The following CRISPLD1 variants were observed in gnomAD, a reference collection of about 807,000 sequenced individuals.
CRISPLD1 encodes cysteine-rich secretory protein LCCL domain-containing 1.
Under a neutral mutation model 77.5 loss-of-function variants are expected in CRISPLD1, and 60 were observed. The ratio of observed to expected loss-of-function variants is 0.77; its 90% CI spans 0.63 to 0.96. The LOEUF is 0.96. Among genes scored for constraint, CRISPLD1 ranks in the 40% least tolerant of loss-of-function variants. The pLI, the probability that CRISPLD1 is intolerant of heterozygous loss-of-function variation, is 0.00. For missense variants in CRISPLD1, 623 were observed against 615.8 expected (o/e 1.01, Z -0.12); for synonymous variants, 195 against 200.1 (o/e 0.97, Z 0.22).
intron 2 of CRISPLD1, among the ~76,000 whole-genome samples, chr8:75,003,530 T>C (rs1201312699): frequency 1.3e-5 from 2 of 152,178 alleles, no homozygotes; most frequent in African/African-American, 2.4e-5. Flanking sequence ...TTTCCTATCA[T>C]GCATTTTTAT....
chr8:74,984,757 G>T lies in CRISPLD1; in HGVS notation c.-226G>T, dbSNP rs938619648. 6.6e-6 allele frequency: 1 copy of T among 152,312 alleles called. No individual in the cohort carries two copies. 9.4% of individuals were successfully genotyped at this position (152,312 alleles called of 1,614,324 possible). A position where few individuals can be genotyped will look rare whatever the true frequency, so the allele number is the denominator to read the frequency against. On this transcript the variant is annotated 5_prime_UTR_variant, in exon 1 of 15. Transcript: ENST00000262207. ...GAGGGAGCCGCAGAGGCGGAGGCTC[G>T]CGTATTCCTGCAGTCAGCACCCACG...
chr8:75,010,330 T>C (rs1812906907), intron 2 of CRISPLD1, among the ~76,000 whole-genome samples: 2 of 152,116 alleles, frequency 1.3e-5, no homozygotes, highest in Non-Finnish European at 1.5e-5. Flanking sequence ...TGCCTCTTTG[T>C]CCCTAGGGTG....
intron 14 of CRISPLD1, among the ~76,000 whole-genome samples, chr8:75,031,279 A>G (rs1225972484): frequency 6.6e-6 from 1 of 152,084 alleles, no homozygotes; most frequent in Non-Finnish European, 1.5e-5. Flanking sequence ...TATAAAACAT[A>G]GTTCACTTTG....
intron 12 of CRISPLD1, among the ~76,000 whole-genome samples, chr8:75,023,072 G>GT (rs1239074412): frequency 1.9e-5 from 2 of 107,612 alleles, no homozygotes; most frequent in Non-Finnish European, 1.7e-5. Context: ...CAAATTGTAG[G>GT]TAAAAAAAAA....
chr8:75,028,176 G>A (rs780862373), intron 13 of CRISPLD1, among the ~76,000 whole-genome samples: 19 of 152,128 alleles, frequency 1.2e-4, no homozygotes, highest in Non-Finnish European at 1.8e-4. Context: ...GGGACTTTAA[G>A]TGTTGAAGAA....
chr8:75,004,181 C>A lies in CRISPLD1; in HGVS notation c.259-8252C>A, dbSNP rs552803438. 2.0e-5 allele frequency among the ~76,000 whole-genome samples: 3 copies of A among 152,262 alleles called. No individual in the cohort carries two copies. In the East Asian group the frequency reaches 5.8e-4, roughly 29 times the overall value. On this transcript the variant is annotated intron_variant, in intron 2 of 14. Coordinates refer to ENST00000262207, the MANE Select transcript of CRISPLD1 (RefSeq NM_031461.6). Reference sequence around the variant, plus strand: ...TTGCCTTAAGGTAATGCTTCTTTCTCAGTAGTTGGCAAAGTCACTGTGCCC... The same window carrying A: ...TTGCCTTAAGGTAATGCTTCTTTCTAAGTAGTTGGCAAAGTCACTGTGCCC...
chr8:75,020,721 A>G (rs1223762536), intron 12 of CRISPLD1, among the ~76,000 whole-genome samples: 1 of 152,246 alleles, frequency 6.6e-6, no homozygotes, highest in Non-Finnish European at 1.5e-5. Context: ...AATTTCTTAC[A>G]ACAGAAACTA....
rs1351064347 is a variant in CRISPLD1, at chr8:75,025,584, AT to A, written c.1285del (p.Tyr429MetfsTer4). 1 of 1,591,492 alleles carries A rather than the reference AT, an allele frequency of 6.3e-7. No homozygotes were observed. The highest frequency in any genetic ancestry group is 2.2e-5 in the East Asian group (1 of 44,452). ...CGTAACTGTATGCAAGCAAATCCACATTATGCTCGTGTAATTGGAACTCGAG... is the reference window on the plus strand; with the variant it reads ...CGTAACTGTATGCAAGCAAATCCACATATGCTCGTGTAATTGGAACTCGAG... The part of the protein sequence containing the change: ...CPRNCMQANP[H>X]YARVIGTRVY... On this transcript the variant is annotated frameshift_variant, in exon 13 of 15. Transcript: ENST00000262207. LOFTEE classifies it high-confidence loss of function.
intron 2 of CRISPLD1, among the ~76,000 whole-genome samples, chr8:75,002,380 G>T (rs1047734217): frequency 1.4e-5 from 2 of 147,414 alleles, no homozygotes; most frequent in African/African-American, 5.1e-5. Context: ...TATGTGTCAG[G>T]TAACAGGTTG....
chr8:74,993,266 A>G (rs1812600511), intron 2 of CRISPLD1, among the ~76,000 whole-genome samples: 1 of 152,190 alleles, frequency 6.6e-6, no homozygotes, highest in Non-Finnish European at 1.5e-5. Flanking sequence ...TCCTAAAATA[A>G]GAGTTTTCTC....
intron 2 of CRISPLD1, among the ~76,000 whole-genome samples, chr8:75,007,388 T>A (rs1172456936): frequency 6.6e-6 from 1 of 152,188 alleles, no homozygotes; most frequent in Non-Finnish European, 1.5e-5. Context: ...TTGAATGATT[T>A]CCAGCTGTCA....
Position 75,017,444 on chromosome 8 carries a change from C to CA in CRISPLD1, c.1123dup (p.Ile375AsnfsTer8). 6.3e-7 allele frequency: 1 copy of CA among 1,599,784 alleles called. No homozygotes were observed. The highest frequency in any genetic ancestry group is 8.5e-7 in the Non-Finnish European group (1 of 1,175,364). On this transcript the variant is annotated frameshift_variant, in exon 10 of 15. Coordinates refer to ENST00000262207, the MANE Select transcript of CRISPLD1 (RefSeq NM_031461.6). LOFTEE classifies it high-confidence loss of function. ...AAGTCCAATAGAAATGGTATTCAAACAATTGGGTAAGTACCAAAATAATCT... is the reference window on the plus strand; with the variant it reads ...AAGTCCAATAGAAATGGTATTCAAACAAATTGGGTAAGTACCAAAATAATCT...
intron 2 of CRISPLD1, among the ~76,000 whole-genome samples, chr8:75,008,681 CTAT>C (rs1224663989): frequency 1.3e-5 from 2 of 152,004 alleles, no homozygotes; most frequent in Non-Finnish European, 2.9e-5. Flanking sequence ...ATACTGTATG[CTAT>C]TATTTTAGCA....
At chr8:75,014,717 A>T in intron 5 of CRISPLD1, 95 bp from the exon 6 acceptor site, 3 of 773,786 alleles carry the variant, frequency 3.9e-6, no homozygotes, top group Non-Finnish European at 6.2e-6. Context: ...ACGCCAAAAT[A>T]ATTACTTAGA....
intron 6 of CRISPLD1, among the ~76,000 whole-genome samples, chr8:75,016,088 A>G (rs1252370853): frequency 1.8e-4 from 27 of 152,180 alleles, no homozygotes; most frequent in Non-Finnish European, 1.8e-4. Context: ...AAAAAACTCT[A>G]TGGACATGGA....
chr8:75,019,664 G>T (rs757550983), intron 10 of CRISPLD1, among the ~76,000 whole-genome samples: 4 of 151,840 alleles, frequency 2.6e-5, no homozygotes, highest in Non-Finnish European at 5.9e-5. Flanking sequence ...AGAGATTACC[G>T]GAAGAATGGT....
chr8:75,032,515 C>T lies in CRISPLD1; in HGVS notation c.*273C>T. 1 of 257,482 alleles carries T rather than the reference C, an allele frequency of 3.9e-6. No homozygotes were observed. Among genetic ancestry groups the T allele is most frequent in the Non-Finnish European group, 7.4e-6 (1 of 135,478 alleles). 15.9% of individuals were successfully genotyped at this position (257,482 alleles called of 1,614,324 possible). On this transcript the variant is annotated 3_prime_UTR_variant, in exon 15 of 15. Transcript: ENST00000262207. Reference sequence around the variant, plus strand: ...TTATTTCTACAGTTAATTACATAGTCATGATTGTTCTACGTTTCATATATT... The same window carrying T: ...TTATTTCTACAGTTAATTACATAGTTATGATTGTTCTACGTTTCATATATT...
intron 14 of CRISPLD1, among the ~76,000 whole-genome samples, chr8:75,030,005 A>C (rs1054558723): frequency 1.3e-5 from 2 of 152,132 alleles, no homozygotes; most frequent in Admixed American, 1.3e-4. Flanking sequence ...GTCATTTTTC[A>C]TATTATTTAA....
At chr8:75,027,773 TTTCC>T (rs1369420842) in intron 13 of CRISPLD1, among the ~76,000 whole-genome samples, 1 of 152,208 alleles carries the variant, frequency 6.6e-6, no homozygotes, top group Non-Finnish European at 1.5e-5. Flanking sequence ...CTTCTCTTTC[TTTCC>T]TTCCATTTAT....
Sources: allele counts gnomAD v4.1 joint callset (sites outside exome capture counted in the v4.1 genomes callset), GRCh38; gene constraint gnomAD v4.1.1; transcripts MANE v1.5; gene names NCBI Gene and HGNC (gene_info 2026-07-23, HGNC 2026-07-21).